AP3B1: variants seen among roughly 807,000 people sequenced by gnomAD.
The protein encoded by AP3B1 is AP-3 complex subunit beta-1.
In AP3B1, 61 loss-of-function variants were observed where a neutral mutation model predicts 132.5. The ratio of observed to expected loss-of-function variants is 0.46; its 90% confidence interval spans 0.37 to 0.57. The LOEUF (loss-of-function observed/expected upper bound fraction) is 0.57, where lower values mean the gene tolerates loss of function less well. Ranked by LOEUF, AP3B1 falls within the 20% of genes least tolerant of loss-of-function variation. The pLI is 0.00. For missense variants in AP3B1, 1,120 were observed against 1,289.4 expected (o/e 0.87, Z 2.01); for synonymous variants, 388 against 438.3 (o/e 0.89, Z 1.43).
At chr5:78,075,638 C>G (rs1384310233) in intron 22 of AP3B1, among the ~76,000 whole-genome samples, 1 of 152,234 alleles carries the variant, frequency 6.6e-6, no homozygotes, top group Non-Finnish European at 1.5e-5. Context: ...ACTGCAGAAG[C>G]TACATTTGCT....
intron 17 of AP3B1, among the ~76,000 whole-genome samples, chr5:78,122,579 G>T (rs1580376428): frequency 6.6e-6 from 1 of 152,138 alleles, no homozygotes; most frequent in Non-Finnish European, 1.5e-5. Flanking sequence ...CAAATCATGA[G>T]TGAACTCCCA....
chr5:78,215,058 A>G (rs558635249), intron 7 of AP3B1, among the ~76,000 whole-genome samples: 2 of 152,124 alleles, frequency 1.3e-5, no homozygotes, highest in Non-Finnish European at 2.9e-5. Context: ...ATAATTTGCA[A>G]GCTTGATGTG....
chr5:78,002,095 T>G (rs1746215331), downstream of AP3B1: 1 of 152,558 alleles, frequency 6.6e-6, no homozygotes, highest in Non-Finnish European at 1.5e-5. Flanking sequence ...GATGTTTATT[T>G]TGCAATATGA....
intron 20 of AP3B1, among the ~76,000 whole-genome samples, chr5:78,104,865 G>A (rs1017525419): frequency 6.6e-6 from 1 of 152,108 alleles, no homozygotes; most frequent in Non-Finnish European, 1.5e-5. Flanking sequence ...AATTAGCAAA[G>A]TTTTGAGACA....
chr5:78,147,553 T>A (rs4315908), intron 14 of AP3B1, among the ~76,000 whole-genome samples: 6,188 of 152,040 alleles, frequency 0.041, 186 homozygotes, highest in East Asian at 0.14. Context: ...TTCTTTCTTA[T>A]TTTTTTTCTG....
chr5:78,081,468 C>T (rs1276448388), intron 22 of AP3B1, among the ~76,000 whole-genome samples: 1 of 151,950 alleles, frequency 6.6e-6, no homozygotes, highest in Admixed American at 6.6e-5. Flanking sequence ...CCACTGCGCC[C>T]GGCTAATTTT....
intron 22 of AP3B1, among the ~76,000 whole-genome samples, chr5:78,051,573 C>T (rs576404669): frequency 6.6e-6 from 1 of 152,230 alleles, no homozygotes; most frequent in African/African-American, 2.4e-5. Flanking sequence ...TCAGCATCCA[C>T]ATTACTATTC....
At chr5:78,085,771 T>A (rs1270411108) in intron 22 of AP3B1, among the ~76,000 whole-genome samples, 3 of 152,164 alleles carry the variant, frequency 2.0e-5, no homozygotes, top group Admixed American at 2.0e-4. Context: ...GAACGTGACA[T>A]TTCTGTAACC....
intron 7 of AP3B1, among the ~76,000 whole-genome samples, chr5:78,186,789 A>G (rs1199461653): frequency 6.6e-6 from 1 of 152,182 alleles, no homozygotes; most frequent in African/African-American, 2.4e-5. Context: ...GGTTAATATC[A>G]CTTAAGTATT....
chr5:78,267,509 A>T lies in AP3B1; in HGVS notation c.204+11T>A. The T allele has an allele frequency of 6.3e-7, 1 of 1,595,760 alleles. No homozygotes were observed. The highest frequency in any genetic ancestry group is 8.6e-7 in the Non-Finnish European group (1 of 1,165,184). ...TTTTCCAAAATTGAAGTAAATGAGT[A>T]TTTTACCTACCCCAACAATCCGCTT... On this transcript the variant is annotated intron_variant, in intron 2 of 26. Transcript: ENST00000255194.
At chr5:78,009,906 C>T (rs959156655) in intron 26 of AP3B1, among the ~76,000 whole-genome samples, 2 of 152,162 alleles carry the variant, frequency 1.3e-5, no homozygotes, top group Non-Finnish European at 2.9e-5. Context: ...GATGTTCTGT[C>T]TTCAATCAAA....
intron 6 of AP3B1, among the ~76,000 whole-genome samples, chr5:78,223,652 A>T (rs1260876541): frequency 6.6e-6 from 1 of 152,176 alleles, no homozygotes; most frequent in African/African-American, 2.4e-5. Context: ...GGAATTTTTA[A>T]TCACATCCCA....
chr5:78,244,669 T>C (rs1580536556), intron 2 of AP3B1, among the ~76,000 whole-genome samples: 1 of 152,050 alleles, frequency 6.6e-6, no homozygotes, highest in East Asian at 1.9e-4. Context: ...GACAGAGAAG[T>C]AGACTGAGTG....
At chr5:78,074,969 AACTTTATCAT>A (rs1749701608) in intron 22 of AP3B1, among the ~76,000 whole-genome samples, 2 of 152,328 alleles carry the variant, frequency 1.3e-5, no homozygotes, top group South Asian at 4.1e-4. Context: ...ATATTAGAAA[AACTTTATCAT>A]ATAATTTTTT....
At chr5:78,056,214 T>G (rs1748808694) in intron 22 of AP3B1, among the ~76,000 whole-genome samples, 1 of 152,224 alleles carries the variant, frequency 6.6e-6, no homozygotes, top group Non-Finnish European at 1.5e-5. Context: ...TCAAATGATC[T>G]GGGTTATAGT....
chr5:78,136,086 A>G (rs1394140675), intron 15 of AP3B1, among the ~76,000 whole-genome samples: 1 of 151,944 alleles, frequency 6.6e-6, no homozygotes, highest in Non-Finnish European at 1.5e-5. Context: ...AACCCAAATC[A>G]GTAGTTTTTT....
At chr5:78,211,748 A>C (rs965791176) in intron 7 of AP3B1, among the ~76,000 whole-genome samples, 1 of 152,238 alleles carries the variant, frequency 6.6e-6, no homozygotes, top group African/African-American at 2.4e-5. Flanking sequence ...ACAATAAACA[A>C]ACACAGAAAA....
chr5:78,103,657 C>T (rs969338703), intron 20 of AP3B1, among the ~76,000 whole-genome samples: 3 of 152,098 alleles, frequency 2.0e-5, no homozygotes, highest in African/African-American at 4.8e-5. Flanking sequence ...TTTATAAGGA[C>T]AACAGTAACT....
chr5:78,284,443 C>A (rs1749187423), intron 1 of AP3B1, among the ~76,000 whole-genome samples: 2 of 152,272 alleles, frequency 1.3e-5, no homozygotes, highest in South Asian at 4.1e-4. Flanking sequence ...AGCTACATAA[C>A]CTCATTTGTA....
Sources: gnomAD v4.1 joint callset for allele counts (sites outside exome capture counted in the v4.1 genomes callset) on GRCh38, gnomAD v4.1.1 for gene constraint, MANE v1.5 for transcripts, NCBI Gene and HGNC (gene_info 2026-07-23, HGNC 2026-07-21) for gene names.